Variants in CASC3 observed in about 807,000 individuals in gnomAD.
CASC3 encodes CASC3 exon junction complex subunit, also known as protein CASC3.
Under a neutral mutation model 80.5 loss-of-function variants are expected in CASC3, and 30 were observed. The observed-to-expected ratio is 0.37, with a 90% CI of 0.28 to 0.51. CASC3 has a LOEUF of 0.51. CASC3 is among the 20% of genes least tolerant of loss of function. The pLI is 0.94. For synonymous variants in CASC3, 312 were observed against 333.6 expected, an observed-to-expected ratio of 0.94 and a Z score of 0.70; for missense variants, 824 against 922.2, an observed-to-expected ratio of 0.89 and a Z score of 1.38.
At position 40,141,518 on chromosome 17, in the gene CASC3, C is replaced by T. The variant is rs1009002889; in HGVS notation, c.260-52C>T. 3.6e-5 allele frequency: 55 copies of T among 1,531,068 alleles called. 1 individual carries two copies. Among genetic ancestry groups the T allele is most frequent in the Non-Finnish European group, 4.7e-5 (52 of 1,107,738 alleles). 94.8% of individuals were successfully genotyped at this position (1,531,068 alleles called of 1,614,324 possible). A position where few individuals can be genotyped will look rare whatever the true frequency, so the allele number is the denominator to read the frequency against. On this transcript the variant is annotated intron_variant, in intron 2 of 13. Coordinates refer to ENST00000264645, the MANE Select transcript of CASC3 (RefSeq NM_007359.5). ...CTTAGTCTGACCTGTAATAAGCAGC[C>T]AAAAAATGTTTCTGGGTTTCTTTTT...
intron 3 of CASC3, among the ~76,000 whole-genome samples, chr17:40,156,957 C>T (rs898326001): frequency 6.9e-6 from 1 of 145,926 alleles, no homozygotes; most frequent in Non-Finnish European, 1.5e-5. Context: ...GCAGGAGGAT[C>T]ACTCGAGCCC....
chr17:40,164,773 T>TTTTTTG lies in CASC3; in HGVS notation c.1471+607_1471+608insTTTTTG, dbSNP rs1301765156. Among the ~76,000 whole-genome samples, 8 of 143,402 alleles carry TTTTTTG rather than the reference T, an allele frequency of 5.6e-5. 1 individual carries two copies. Among genetic ancestry groups the TTTTTTG allele is most frequent in the Admixed American group, 1.4e-4 (2 of 14,218 alleles). The allele number at this position is 143,402 out of a possible 152,430, so 94.1% of individuals were successfully genotyped here. A position where few individuals can be genotyped will look rare whatever the true frequency, so the allele number is the denominator to read the frequency against. ...GCCTTTTTTTTTTTTTTTTTTTTTTTGTGACAGAGACTTGCTCTGTTGCCC... is the reference window on the plus strand; with the variant it reads ...GCCTTTTTTTTTTTTTTTTTTTTTTTTTTTTGGTGACAGAGACTTGCTCTGTTGCCC... On this transcript the variant is annotated intron_variant, in intron 7 of 13. Transcript: ENST00000264645.
chr17:40,153,642 C>A (rs1358492529), intron 3 of CASC3, among the ~76,000 whole-genome samples: 1 of 152,122 alleles, frequency 6.6e-6, no homozygotes, highest in African/African-American at 2.4e-5. Context: ...TCCAGTTTCT[C>A]TATATCCTTA....
rs200093838 is a variant in CASC3, at chr17:40,164,108, A to G, written c.1413A>G (p.Ile471Met). Residue 471 changes from isoleucine (I) to methionine (M), a missense_variant, in exon 7 of 14, where the codon ATA (isoleucine) becomes ATG (methionine). Around this residue, in one of 3 missense-constraint regions of CASC3, gnomAD observed 464 missense variants for 506.0 expected, o/e 0.92. Coordinates refer to ENST00000264645, the MANE Select transcript of CASC3 (RefSeq NM_007359.5). The stretch of plus-strand genomic sequence containing the variant: ...AGCAAGATGTGGCACAACTAAATAT[A>G]GCAGAACAGAATTGGAGTCCGGGGC... ...GLEQDVAQLN[I>M]AEQNWSPGQP... 108 of 1,613,552 alleles carry G rather than the reference A, an allele frequency of 6.7e-5. No homozygotes were observed. The East Asian group carries it at 1.1e-3, about 17-fold the overall frequency.
chr17:40,153,431 GTTA>G (rs1989061234), intron 3 of CASC3, among the ~76,000 whole-genome samples: 1 of 151,822 alleles, frequency 6.6e-6, no homozygotes, highest in South Asian at 2.1e-4. Context: ...CCATCTTTTG[GTTA>G]TTATGAATAA....
At chr17:40,141,395 G>A in intron 2 of CASC3, 161 bp downstream of exon 2, 1 of 841,104 alleles carries the variant, frequency 1.2e-6, no homozygotes, top group Non-Finnish European at 2.0e-6. Context: ...TAGCAGTATA[G>A]TCTTCAGCAA....
At chr17:40,163,023 C>T (rs1197955550) in intron 6 of CASC3, 122 bp downstream of exon 6, 1 of 739,758 alleles carries the variant, frequency 1.4e-6, no homozygotes, top group African/African-American at 1.8e-5. Context: ...GAGTTCAAGA[C>T]CAGCCTGGGG....
rs1989375596 is a variant in CASC3, at chr17:40,163,930, C to T, written c.1235C>T (p.Thr412Ile). The change falls in exon 7 of 14, where the codon ACC (threonine) becomes ATC (isoleucine). Residue 412 changes from threonine (T) to isoleucine (I), a missense_variant. By Grantham distance (89) the Thr-to-Ile change is moderately conservative. Coordinates refer to ENST00000264645, the MANE Select transcript of CASC3 (RefSeq NM_007359.5). The part of the protein sequence containing the change: ...KSYSRARRTR[T>I]KVGDAVKLAE... ...TATTCCCGGGCAAGAAGAACTCGAA[C>T]CAAAGTTGGAGATGCAGTCAAGCTT... 6.2e-7 allele frequency: 1 copy of T among 1,613,954 alleles called. No individual in the cohort carries two copies. The highest frequency in any genetic ancestry group is 1.3e-5 in the African/African-American group (1 of 74,872).
At chr17:40,160,625 C>T (rs572727371) in intron 3 of CASC3, among the ~76,000 whole-genome samples, 1 of 152,176 alleles carries the variant, frequency 6.6e-6, no homozygotes, top group South Asian at 2.1e-4. Context: ...GAGGCTGCCG[C>T]TGTTTTTTTG....
At chr17:40,158,112 C>T (rs1449475706) in intron 3 of CASC3, among the ~76,000 whole-genome samples, 3 of 152,118 alleles carry the variant, frequency 2.0e-5, no homozygotes, top group Non-Finnish European at 4.4e-5. Flanking sequence ...CTTGTTCCAG[C>T]GTCAACTATA....
chr17:40,151,623 G>C (rs1989010737), intron 3 of CASC3, among the ~76,000 whole-genome samples: 1 of 151,082 alleles, frequency 6.6e-6, no homozygotes, highest in Non-Finnish European at 1.5e-5. Flanking sequence ...GAGCCCAGGA[G>C]GTCAAGGCTG....
At chr17:40,147,884 T>A (rs765616847) in intron 3 of CASC3, among the ~76,000 whole-genome samples, 4 of 152,182 alleles carry the variant, frequency 2.6e-5, no homozygotes, top group Non-Finnish European at 4.4e-5. Context: ...GTTTTTCCAA[T>A]TCTGATTGAT....
rs369728364 is a variant in CASC3 at position 40,153,254 on chromosome 17, G to A, written c.298-8499G>A. Among the ~76,000 whole-genome samples the A allele has an allele frequency of 7.2e-3, 1,099 of 152,160 alleles. 6 individuals are homozygous for A. Among genetic ancestry groups the A allele is most frequent in the Non-Finnish European group, 9.2e-3 (627 of 68,012 alleles). ...GATCATGTGGTGGTTATCTTTCTGT[G>A]TCTAGCTTATTTTACTTAGCATAGT... On this transcript the variant is annotated intron_variant, in intron 3 of 13. Transcript: ENST00000264645.
chr17:40,160,599 T>C (rs991191775), intron 3 of CASC3, among the ~76,000 whole-genome samples: 1 of 152,156 alleles, frequency 6.6e-6, no homozygotes, highest in Non-Finnish European at 1.5e-5. Context: ...TCCATTCTTA[T>C]CCTCTGGGCC....
intron 7 of CASC3, among the ~76,000 whole-genome samples, chr17:40,165,001 A>G (rs1598430563): frequency 6.8e-6 from 1 of 147,344 alleles, no homozygotes; most frequent in East Asian, 2.0e-4. Context: ...GCTCACTGCA[A>G]GCTCTGCCTC....
At chr17:40,164,350 G>A (rs1052155180) in intron 7 of CASC3, among the ~76,000 whole-genome samples, 184 bp downstream of exon 7, 14 of 151,944 alleles carry the variant, frequency 9.2e-5, no homozygotes, top group African/African-American at 2.9e-4. Context: ...TGCAACCTTC[G>A]CCTCCCAGGT....
At chr17:40,170,332 A>G in intron 13 of CASC3, 115 bp from the exon 14 acceptor site, 3 of 668,246 alleles carry the variant, frequency 4.5e-6, no homozygotes, top group South Asian at 1.3e-4. Flanking sequence ...CTTTTGTTTA[A>G]GGACATTACT....
intron 13 of CASC3, among the ~76,000 whole-genome samples, chr17:40,169,872 C>T (rs1179476072): frequency 2.7e-5 from 4 of 148,490 alleles, no homozygotes; most frequent in African/African-American, 5.0e-5. Flanking sequence ...TCTCTTGCCT[C>T]AGCCTCCTAA....
intron 3 of CASC3, among the ~76,000 whole-genome samples, chr17:40,144,986 G>A (rs1191170287): frequency 2.7e-5 from 4 of 150,204 alleles, no homozygotes; most frequent in East Asian, 2.0e-4. Flanking sequence ...TCAGCCTCCC[G>A]AGTAGCTGGG....
Sources: allele counts gnomAD v4.1 joint callset (sites outside exome capture counted in the v4.1 genomes callset), GRCh38; gene constraint gnomAD v4.1.1; regional missense constraint gnomAD v4.1.1; transcripts MANE v1.5; gene names NCBI Gene and HGNC (gene_info 2026-07-23, HGNC 2026-07-21).